The following RANBP2 variants were observed in gnomAD, a reference collection of about 807,000 sequenced individuals.
RANBP2 encodes the protein RAN binding protein 2.
In RANBP2, 57 loss-of-function variants were observed where a neutral mutation model predicts 303.6. That is an observed-to-expected ratio of 0.19 (90% CI 0.15 to 0.23). The LOEUF is 0.23. Among genes scored for constraint, RANBP2 ranks in the 10% least tolerant of loss-of-function variants. The pLI is 1.00. For synonymous variants in RANBP2, 1,167 were observed against 1,301.5 expected, an observed-to-expected ratio of 0.90 and a Z score of 2.23; for missense variants, 3,138 against 3,780.8, an observed-to-expected ratio of 0.83 and a Z score of 4.46.
the RANBP2 span, among the ~76,000 whole-genome samples, chr2:108,852,185 G>A: frequency 1.3e-5 from 2 of 152,078 alleles, no homozygotes; most frequent in African/African-American, 2.4e-5. Flanking sequence ...GGAAATTGAG[G>A]CATAAAAAAG....
chr2:109,048,916 A>T, the RANBP2 span, among the ~76,000 whole-genome samples: 1 of 152,308 alleles, frequency 6.6e-6, no homozygotes, highest in East Asian at 1.9e-4. Context: ...TCAATCTTAG[A>T]AGAAATCCCA....
At chr2:109,022,214 T>TG in the RANBP2 span, among the ~76,000 whole-genome samples, 2 of 152,266 alleles carry the variant, frequency 1.3e-5, no homozygotes, top group African/African-American at 4.8e-5. Flanking sequence ...GCATGCGAAG[T>TG]GGGGTGCCTG....
At chr2:108,748,604 T>C (rs1057757) in intron 8 of RANBP2, among the ~76,000 whole-genome samples, 3,122 of 151,980 alleles carry the variant, frequency 0.021, 115 homozygotes, top group African/African-American at 0.072. Flanking sequence ...AGAATAAGAG[T>C]TTGTCCCTGT....
At chr2:109,109,131 C>T in the RANBP2 span, among the ~76,000 whole-genome samples, 1 of 152,222 alleles carries the variant, frequency 6.6e-6, no homozygotes, top group African/African-American at 2.4e-5. Context: ...GTGGAAGCTG[C>T]GTCCTTAGCA....
chr2:109,698,420 C>T, the RANBP2 span, among the ~76,000 whole-genome samples: 45 of 149,762 alleles, frequency 3.0e-4, no homozygotes, highest in Admixed American at 1.7e-3. Context: ...GAGCTGAGAT[C>T]GCGCCACTGC....
the RANBP2 span, among the ~76,000 whole-genome samples, chr2:108,947,378 C>T: frequency 6.6e-6 from 1 of 152,124 alleles, no homozygotes; most frequent in African/African-American, 2.4e-5. Flanking sequence ...ATTCTCGGGT[C>T]TGGAAAATGG....
the RANBP2 span, among the ~76,000 whole-genome samples, chr2:109,225,536 C>A: frequency 6.6e-6 from 1 of 152,266 alleles, no homozygotes; most frequent in Non-Finnish European, 1.5e-5. Flanking sequence ...GTGGAGTTTT[C>A]TCCTGAGAGT....
chr2:109,107,530 A>C, the RANBP2 span, among the ~76,000 whole-genome samples: 1 of 152,028 alleles, frequency 6.6e-6, no homozygotes, highest in Non-Finnish European at 1.5e-5. Context: ...GCTGGGTTGA[A>C]TCAAGTCTAC....
At chr2:108,750,577 C>CT (rs1289737180) in intron 9 of RANBP2, among the ~76,000 whole-genome samples, 1 of 137,694 alleles carries the variant, frequency 7.3e-6, no homozygotes, top group African/African-American at 3.4e-5. Flanking sequence ...CTTTTCTTTT[C>CT]TTTTCTTTTC....
At position 108,775,893 on chromosome 2, in the gene RANBP2, T is replaced by C. The variant is rs779415931; in HGVS notation, c.8454T>C (p.Asp2818=). The C allele has an allele frequency of 1.2e-6, 2 of 1,612,708 alleles. No individual in the cohort carries two copies. The highest frequency in any genetic ancestry group is 2.2e-5 in the South Asian group (2 of 91,076). ...CTGAAACTATGGACAAACCTGTAGA[T>C]TTGTCAACTAGAAAGGAAATTGATA... The part of the protein sequence containing the change: ...VSSETMDKPV[D]LSTRKEIDTD... Residue 2818 remains aspartate (D), a synonymous_variant, in exon 24 of 29, where the codon GAT becomes GAC. Transcript: ENST00000283195.
the RANBP2 span, among the ~76,000 whole-genome samples, chr2:109,588,409 CAAGT>C: frequency 6.6e-6 from 1 of 151,752 alleles, no homozygotes; most frequent in Admixed American, 6.6e-5. Context: ...GTTACATGCA[CAAGT>C]AAAATGTATA....
chr2:109,427,923 A>G, the RANBP2 span, among the ~76,000 whole-genome samples: 2 of 152,216 alleles, frequency 1.3e-5, no homozygotes, highest in Admixed American at 6.5e-5. Context: ...GTGCTCGCGC[A>G]CGCTCCTCTG....
the RANBP2 span, among the ~76,000 whole-genome samples, chr2:108,934,140 G>C: frequency 2.4e-4 from 36 of 152,190 alleles, no homozygotes; most frequent in Admixed American, 3.9e-4. Context: ...GTAAACCCAA[G>C]CAGAGAGAAA....
chr2:109,033,628 T>C, the RANBP2 span, among the ~76,000 whole-genome samples: 8 of 152,120 alleles, frequency 5.3e-5, no homozygotes, highest in Admixed American at 4.6e-4. Flanking sequence ...ATTGTCTGGA[T>C]GTGTTGATCT....
chr2:109,407,427 C>A, the RANBP2 span, among the ~76,000 whole-genome samples: 1 of 152,214 alleles, frequency 6.6e-6, no homozygotes, highest in African/African-American at 2.4e-5. Flanking sequence ...CTATTTGTCT[C>A]TATGCAGCTT....
the RANBP2 span, among the ~76,000 whole-genome samples, chr2:109,328,433 C>G: frequency 6.6e-6 from 1 of 152,188 alleles, no homozygotes; most frequent in African/African-American, 2.4e-5. Flanking sequence ...GGTGCTGTCT[C>G]CCCTGCTCCT....
the RANBP2 span, among the ~76,000 whole-genome samples, chr2:108,928,709 TTCTC>T: frequency 6.6e-6 from 1 of 152,220 alleles, no homozygotes; most frequent in Non-Finnish European, 1.5e-5. Context: ...GATTTTATCT[TTCTC>T]TCTTTCAGGC....
At chr2:109,634,590 A>G in the RANBP2 span, among the ~76,000 whole-genome samples, 11 of 152,240 alleles carry the variant, frequency 7.2e-5, no homozygotes, top group African/African-American at 2.7e-4. Flanking sequence ...ACAGTTACTC[A>G]TTAAAGAACT....
the RANBP2 span, among the ~76,000 whole-genome samples, chr2:108,990,197 C>T: frequency 3.9e-4 from 59 of 151,390 alleles, no homozygotes; most frequent in African/African-American, 1.2e-3. Context: ...TTTGGGAGGC[C>T]GAGGCGGGTG....
Sources: allele counts gnomAD v4.1 joint callset (sites outside exome capture counted in the v4.1 genomes callset), GRCh38; gene constraint gnomAD v4.1.1; transcripts MANE v1.5; gene names NCBI Gene and HGNC (gene_info 2026-07-23, HGNC 2026-07-21).